Variants in LRRC38 observed in about 807,000 individuals in gnomAD.
LRRC38 encodes the protein leucine-rich repeat-containing protein 38.
A neutral mutation model predicts 16.4 loss-of-function variants in LRRC38; 5 were observed. The ratio of observed to expected loss-of-function variants is 0.31; its 90% CI spans 0.16 to 0.64. The LOEUF (loss-of-function observed/expected upper bound fraction) is 0.64. Ranked by LOEUF, LRRC38 falls within the 30% of genes least tolerant of loss-of-function variation. The probability of loss-of-function intolerance (pLI) is 0.80; values close to 1 mark genes in which losing one functional copy is unlikely to be tolerated. For synonymous variants in LRRC38, 191 were observed against 190.2 expected (o/e 1.00, Z -0.04); for missense variants, 341 against 401.8 (o/e 0.85, Z 1.29).
chr1:13,510,067 T>C (rs1639257852), intron 1 of LRRC38, among the ~76,000 whole-genome samples: 2 of 152,174 alleles, frequency 1.3e-5, no homozygotes, highest in South Asian at 2.1e-4. Context: ...CTCCCCACTT[T>C]TGTGTCTTTA....
intron 1 of LRRC38, among the ~76,000 whole-genome samples, chr1:13,480,521 T>A (rs1190693015): frequency 1.3e-5 from 2 of 152,206 alleles, no homozygotes; most frequent in African/African-American, 2.4e-5. Context: ...CCCAGTGATA[T>A]GGTTTGGCTG....
rs149735926 is a variant in LRRC38, at chr1:13,510,184, C to T, written c.631+2779G>A. Reference sequence around the variant, plus strand: ...TCCTCTTTGCTCCTTCCTTCAATTTCCTCCCCCGGAAGAGGCAGAAGGCCT... The same window carrying T: ...TCCTCTTTGCTCCTTCCTTCAATTTTCTCCCCCGGAAGAGGCAGAAGGCCT... On this transcript the variant is annotated intron_variant, in intron 1 of 1. Transcript: ENST00000376085. 8.5e-3 allele frequency among the ~76,000 whole-genome samples: 1,299 copies of T among 152,260 alleles called. 6 individuals carry two copies. Among genetic ancestry groups the T allele is most frequent in the Middle Eastern group, 0.031 (9 of 294 alleles).
chr1:13,479,810 C>CA (rs111831501), intron 1 of LRRC38, among the ~76,000 whole-genome samples: 21,835 of 152,180 alleles, frequency 0.14, 1,643 homozygotes, highest in East Asian at 0.27. Context: ...AAGCTGGCTA[C>CA]AAAGGCTGTG....
At chr1:13,485,943 C>CT (rs1255501681) in intron 1 of LRRC38, among the ~76,000 whole-genome samples, 2 of 152,074 alleles carry the variant, frequency 1.3e-5, no homozygotes, top group African/African-American at 4.8e-5. Flanking sequence ...GTGGTTCTTT[C>CT]TTTTTTTGAG....
chr1:13,506,974 C>G (rs1639220450), intron 1 of LRRC38, among the ~76,000 whole-genome samples: 1 of 152,228 alleles, frequency 6.6e-6, no homozygotes, highest in Non-Finnish European at 1.5e-5. Flanking sequence ...CAAATCCCCT[C>G]CTGGGTTCCC....
At chr1:13,501,811 G>C (rs354577) in intron 1 of LRRC38, among the ~76,000 whole-genome samples, 12,979 of 148,516 alleles carry the variant, frequency 0.087, 832 homozygotes, top group East Asian at 0.24. Flanking sequence ...GAGTCTCGCT[G>C]TGTTGCCCAG....
At chr1:13,505,482 C>A (rs182479856) in intron 1 of LRRC38, among the ~76,000 whole-genome samples, 1 of 152,204 alleles carries the variant, frequency 6.6e-6, no homozygotes, top group Non-Finnish European at 1.5e-5. Context: ...GATTTGGGCC[C>A]GTCCCTGGAT....
chr1:13,481,731 C>CT (rs1557495159), intron 1 of LRRC38, among the ~76,000 whole-genome samples: 10 of 150,890 alleles, frequency 6.6e-5, no homozygotes, highest in African/African-American at 2.4e-4. Context: ...AGAGAGCTCT[C>CT]CCAATCTGTC....
At chr1:13,490,632 A>G (rs1639000514) in intron 1 of LRRC38, among the ~76,000 whole-genome samples, 1 of 151,596 alleles carries the variant, frequency 6.6e-6, no homozygotes, top group Non-Finnish European at 1.5e-5. Context: ...CTATGAGTTG[A>G]GCCCCAGGCT....
chr1:13,503,189 C>A (rs1639170630), intron 1 of LRRC38, among the ~76,000 whole-genome samples: 1 of 152,168 alleles, frequency 6.6e-6, no homozygotes, highest in Non-Finnish European at 1.5e-5. Flanking sequence ...GAGCAGGGAT[C>A]TACCACTGGT....
At chr1:13,494,469 C>T (rs1453651741) in intron 1 of LRRC38, among the ~76,000 whole-genome samples, 1 of 149,344 alleles carries the variant, frequency 6.7e-6, no homozygotes, top group East Asian at 2.0e-4. Context: ...GGGACTCTCT[C>T]TCTGGCCCTC....
rs1638955752 is a variant in LRRC38, at chr1:13,487,871, T to C, written c.632-11772A>G. 6.6e-6 allele frequency among the ~76,000 whole-genome samples: 1 copy of C among 152,202 alleles called. No homozygotes were observed. The highest frequency in any genetic ancestry group is 1.5e-5 in the Non-Finnish European group (1 of 68,032). On this transcript the variant is annotated intron_variant, in intron 1 of 1. Transcript: ENST00000376085. The surrounding 1 kb of genome is among the most constrained non-coding windows in gnomAD (Gnocchi z 4.4). Reference sequence around the variant, plus strand: ...CGTAACTCAGATTAACAACAGGCTCTGGTAAGCGCTTTTTGTCATTAAAAA... The same window carrying C: ...CGTAACTCAGATTAACAACAGGCTCCGGTAAGCGCTTTTTGTCATTAAAAA...
chr1:13,492,951 C>A (rs566219490), intron 1 of LRRC38, among the ~76,000 whole-genome samples: 1 of 150,484 alleles, frequency 6.6e-6, no homozygotes, highest in African/African-American at 2.4e-5. Flanking sequence ...TGAGTCCCGT[C>A]GCTCTTGGGA....
intron 1 of LRRC38, among the ~76,000 whole-genome samples, chr1:13,509,036 G>A (rs555036765): frequency 2.6e-4 from 40 of 152,252 alleles, no homozygotes; most frequent in African/African-American, 6.5e-4. Context: ...CCAAGCCCCC[G>A]AATGCTCAGA....
intron 1 of LRRC38, among the ~76,000 whole-genome samples, chr1:13,506,903 G>A (rs34337670): frequency 0.075 from 11,431 of 152,240 alleles, 544 homozygotes; most frequent in South Asian, 0.13. Flanking sequence ...TAACCCTTTG[G>A]GTAACTGAGC....
chr1:13,511,665 T>A (rs1306015536), intron 1 of LRRC38, among the ~76,000 whole-genome samples: 1 of 152,034 alleles, frequency 6.6e-6, no homozygotes, highest in East Asian at 1.9e-4. Flanking sequence ...GAGCTTTTCA[T>A]CCGGTCACTC....
At chr1:13,505,928 GGA>G (rs1639206830) in intron 1 of LRRC38, among the ~76,000 whole-genome samples, 1 of 152,172 alleles carries the variant, frequency 6.6e-6, no homozygotes, top group Non-Finnish European at 1.5e-5. Context: ...GAAGTGATAA[GGA>G]GGGGCCCGTC....
rs545767578 is a variant in LRRC38 at position 13,487,768 on chromosome 1, C to A, written c.632-11669G>T. ...TTGAGATTAATCTCTTGCACCGGACCGGCCCCTTGCCAACAAACAGGCCTG... is the reference window on the plus strand; with the variant it reads ...TTGAGATTAATCTCTTGCACCGGACAGGCCCCTTGCCAACAAACAGGCCTG... On this transcript the variant is annotated intron_variant, in intron 1 of 1. Transcript: ENST00000376085. The surrounding 1 kb of genome is among the most constrained non-coding windows in gnomAD (Gnocchi z 4.4). Among the ~76,000 whole-genome samples the A allele has an allele frequency of 1.8e-4, 27 of 152,172 alleles. No homozygotes were observed. The highest frequency in any genetic ancestry group is 3.5e-4 in the Non-Finnish European group (24 of 68,018).
At chr1:13,480,458 G>C (rs1275125210) in intron 1 of LRRC38, among the ~76,000 whole-genome samples, 1 of 152,194 alleles carries the variant, frequency 6.6e-6, no homozygotes, top group Non-Finnish European at 1.5e-5. Flanking sequence ...TAAGTATATA[G>C]CTATTATGTA....
Sources: allele counts gnomAD v4.1 joint callset (sites outside exome capture counted in the v4.1 genomes callset), GRCh38; gene constraint gnomAD v4.1.1; non-coding constraint Gnocchi (gnomAD v3.1); transcripts MANE v1.5; gene names NCBI Gene and HGNC (gene_info 2026-07-23, HGNC 2026-07-21).